SH3KBP1: variants seen among roughly 807,000 people sequenced by gnomAD.
SH3KBP1 encodes SH3 domain-containing kinase-binding protein 1.
A neutral mutation model predicts 50.1 loss-of-function variants in SH3KBP1; 8 were observed. The ratio of observed to expected loss-of-function variants is 0.16; its 90% CI spans 0.09 to 0.29. The LOEUF is 0.29. Ranked by LOEUF, SH3KBP1 falls within the 10% of genes least tolerant of loss-of-function variation. The probability of loss-of-function intolerance (pLI) is 1.00; values close to 1 mark genes in which losing one functional copy is unlikely to be tolerated. For synonymous variants in SH3KBP1, 227 were observed against 218.6 expected (o/e 1.04, Z -0.34); for missense variants, 377 against 535.2 (o/e 0.70, Z 2.92).
chrX:19,640,799 T>C (rs1412818770), intron 7 of SH3KBP1, among the ~76,000 whole-genome samples: 1 of 112,090 alleles, frequency 8.9e-6, no homozygotes, highest in Non-Finnish European at 1.9e-5. Context: ...GTATCTCTGA[T>C]TAGTTGCTTT....
At chrX:19,796,281 T>C (rs907424269) in intron 2 of SH3KBP1, among the ~76,000 whole-genome samples, 1 of 112,063 alleles carries the variant, frequency 8.9e-6, no homozygotes, top group African/African-American at 3.2e-5. Flanking sequence ...TTGCAACCTA[T>C]GTGCTTAGGA....
intron 3 of SH3KBP1, among the ~76,000 whole-genome samples, chrX:19,717,666 T>C (rs1012070361): frequency 8.9e-6 from 1 of 111,960 alleles, no homozygotes; most frequent in South Asian, 3.7e-4. Flanking sequence ...GCAGTCTTGT[T>C]GGTGTGTCGA....
intron 2 of SH3KBP1, among the ~76,000 whole-genome samples, chrX:19,763,275 A>G (rs920712508): frequency 9.0e-6 from 1 of 111,707 alleles, no homozygotes; most frequent in South Asian, 3.7e-4. Context: ...TATCAATTAC[A>G]CTCCCACCAA....
chrX:19,625,429 T>C (rs765618994), intron 8 of SH3KBP1, among the ~76,000 whole-genome samples: 2 of 110,174 alleles, frequency 1.8e-5, no homozygotes, highest in East Asian at 5.7e-4. Context: ...GGGAAGAAAC[T>C]GGAAGAAAGC....
chrX:19,821,101 A>G (rs143507706), intron 2 of SH3KBP1, among the ~76,000 whole-genome samples: 1 of 112,253 alleles, frequency 8.9e-6, no homozygotes, highest in East Asian at 2.8e-4. Flanking sequence ...TTAAAAATTA[A>G]TGATACAAGC....
intron 7 of SH3KBP1, among the ~76,000 whole-genome samples, chrX:19,640,377 A>C (rs1027927360): frequency 3.6e-5 from 4 of 111,455 alleles, no homozygotes; most frequent in Non-Finnish European, 7.5e-5. Context: ...CCTCACAGTC[A>C]AGACCTGATG....
intron 5 of SH3KBP1, among the ~76,000 whole-genome samples, chrX:19,692,777 G>C (rs1160641544): frequency 9.5e-6 from 1 of 105,452 alleles, no homozygotes; most frequent in Non-Finnish European, 1.9e-5. Flanking sequence ...CTGCCTCCCG[G>C]GTTCAAGCAC....
chrX:19,868,289 A>G (rs997363027), intron 1 of SH3KBP1, among the ~76,000 whole-genome samples: 18 of 111,709 alleles, frequency 1.6e-4, no homozygotes, highest in African/African-American at 4.9e-4. Context: ...CAAGTACAAC[A>G]GTGGATGGGA....
In SH3KBP1 at chrX:19,830,112, G is replaced by A. The variant is rs181518946; in HGVS notation, c.162+6013C>T. The stretch of plus-strand genomic sequence containing the variant: ...GCAAGGTCTTTATGATCTGTATCTC[G>A]TGCTGACCTCCTATCTCGTCCTGTG... On this transcript the variant is annotated intron_variant, in intron 2 of 17. Transcript: ENST00000397821. Among the ~76,000 whole-genome samples, 213 of 110,807 alleles carry A rather than the reference G, an allele frequency of 1.9e-3. 2 individuals are homozygous for A. Among genetic ancestry groups the A allele is most frequent in the Admixed American group, 0.015 (156 of 10,372 alleles).
intron 8 of SH3KBP1, among the ~76,000 whole-genome samples, chrX:19,608,306 CT>C (rs57794070): frequency 2.6e-3 from 225 of 87,250 alleles, no homozygotes; most frequent in Admixed American, 3.8e-3. Context: ...TTCTTTCTTT[CT>C]TTTTTTTTTT....
intron 6 of SH3KBP1, among the ~76,000 whole-genome samples, chrX:19,681,426 C>T (rs1413015709): frequency 8.9e-6 from 1 of 112,739 alleles, no homozygotes; most frequent in Non-Finnish European, 1.9e-5. Context: ...TAATATTATT[C>T]ATTCAACAAT....
rs760649510 is a variant in SH3KBP1 at position 19,872,509 on chromosome X, C to T, written c.4+14798G>A. On this transcript the variant is annotated intron_variant, in intron 1 of 17. Coordinates refer to ENST00000397821, the MANE Select transcript of SH3KBP1 (RefSeq NM_031892.3). ...AGTTGGGGCCGGGTGCGGTAGCTCA[C>T]GCCTGTAATCCCAGTACTTTGGGAG... Among the ~76,000 whole-genome samples, 60 of 109,737 alleles carry T rather than the reference C, an allele frequency of 5.5e-4. No individual in the cohort carries two copies. In the East Asian group the frequency reaches 0.014, roughly 26 times the overall value.
At chrX:19,651,018 A>G (rs1249910868) in intron 6 of SH3KBP1, among the ~76,000 whole-genome samples, 1 of 111,374 alleles carries the variant, frequency 9.0e-6, no homozygotes, top group Non-Finnish European at 1.9e-5. Flanking sequence ...AGATCCCTAA[A>G]CTGCTATTAA....
chrX:19,550,636 T>C (rs1279049983), intron 13 of SH3KBP1, among the ~76,000 whole-genome samples: 1 of 111,068 alleles, frequency 9.0e-6, no homozygotes, highest in Non-Finnish European at 1.9e-5. Flanking sequence ...GGGAAACACA[T>C]ATCTCTCTCT....
intron 13 of SH3KBP1, among the ~76,000 whole-genome samples, chrX:19,554,215 AT>A (rs1182524471): frequency 1.0e-4 from 8 of 76,238 alleles, no homozygotes; most frequent in African/African-American, 3.9e-4. Context: ...AAAATATAAT[AT>A]TATATATCAT....
chrX:19,847,471 G>A (rs1359743981), intron 1 of SH3KBP1, among the ~76,000 whole-genome samples: 1 of 108,019 alleles, frequency 9.3e-6, no homozygotes, highest in Non-Finnish European at 1.9e-5. Context: ...TCTGAGATGA[G>A]ATCTGAGACA....
At position 19,746,353 on chromosome X, in the gene SH3KBP1, A is replaced by G. The variant is rs753698582; in HGVS notation, c.251T>C (p.Leu84Pro). 6.6e-6 allele frequency: 8 copies of G among 1,209,306 alleles called. No homozygotes were observed. The highest frequency in any genetic ancestry group is 2.3e-4 in the Middle Eastern group (1 of 4,371). Reference sequence around the variant, plus strand: ...GGTTCTTAAAATCGTTTCAGAAGACAGCAAAGAGTTTCCACTGGGCACTTC... The same window carrying G: ...GGTTCTTAAAATCGTTTCAGAAGACGGCAAAGAGTTTCCACTGGGCACTTC... Reference protein sequence around the residue: ...LHEVPSGNSLLSSETILRTNK... With the variant: ...LHEVPSGNSLPSSETILRTNK... Residue 84 changes from leucine to proline, a missense_variant, in exon 3 of 18, where the codon CTG becomes CCG. Coordinates refer to ENST00000397821, the MANE Select transcript of SH3KBP1 (RefSeq NM_031892.3).
chrX:19,622,562 G>A (rs2067870493), intron 8 of SH3KBP1, among the ~76,000 whole-genome samples: 1 of 112,409 alleles, frequency 8.9e-6, no homozygotes, highest in Non-Finnish European at 1.9e-5. Flanking sequence ...ACACCAGGAT[G>A]TAGGTACTAT....
At chrX:19,735,836 G>A (rs2064554237) in intron 3 of SH3KBP1, among the ~76,000 whole-genome samples, 2 of 107,339 alleles carry the variant, frequency 1.9e-5, no homozygotes, top group Admixed American at 2.0e-4. Context: ...CCATTCTCCT[G>A]CCTCAGACTT....
Sources: gnomAD v4.1 joint callset for allele counts (sites outside exome capture counted in the v4.1 genomes callset) on GRCh38, gnomAD v4.1.1 for gene constraint, MANE v1.5 for transcripts, NCBI Gene and HGNC (gene_info 2026-07-23, HGNC 2026-07-21) for gene names.